LRRC37A2: variants seen among roughly 807,000 people sequenced by gnomAD.
LRRC37A2 encodes leucine-rich repeat-containing protein 37A2.
LRRC37A2 carries 9 observed loss-of-function variants against 68.8 expected under a neutral mutation model. That is an observed-to-expected ratio of 0.13 (90% CI 0.08 to 0.23). The LOEUF (loss-of-function observed/expected upper bound fraction) is 0.23, where lower values mean the gene tolerates loss of function less well. LRRC37A2 is among the 10% of genes least tolerant of loss of function. LRRC37A2 has a pLI of 1.00. For missense variants in LRRC37A2, 168 were observed against 950.4 expected, an observed-to-expected ratio of 0.18 and a Z score of 10.82; for synonymous variants, 63 against 367.6, an observed-to-expected ratio of 0.17 and a Z score of 9.48.
chr17:47,010,312 C>G, the LRRC37A2 span, among the ~76,000 whole-genome samples: 1 of 152,310 alleles, frequency 6.6e-6, no homozygotes, highest in East Asian at 1.9e-4. Flanking sequence ...CACAAGTGTT[C>G]CTATGCATAT....
chr17:46,787,679 C>T, the LRRC37A2 span, among the ~76,000 whole-genome samples: 757 of 152,296 alleles, frequency 5.0e-3, 6 homozygotes, highest in African/African-American at 0.016. Flanking sequence ...CTCGGCCGGG[C>T]GCGGTGGCTC....
chr17:46,756,599 A>G, the LRRC37A2 span: 3 of 152,656 alleles, frequency 2.0e-5, no homozygotes, highest in African/African-American at 7.2e-5. Context: ...CCAAACAGAA[A>G]GGAGTTATTA....
chr17:46,940,605 AGC>A, the LRRC37A2 span: 1 of 1,614,136 alleles, frequency 6.2e-7, no homozygotes, highest in South Asian at 1.1e-5. Flanking sequence ...GTCTGCAGGG[AGC>A]AGCTGAGCCA....
At chr17:46,766,776 G>A in the LRRC37A2 span, among the ~76,000 whole-genome samples, 1 of 152,136 alleles carries the variant, frequency 6.6e-6, no homozygotes, top group African/African-American at 2.4e-5. Flanking sequence ...GCTCAGAGGT[G>A]CCCTGTGGAA....
the LRRC37A2 span, among the ~76,000 whole-genome samples, chr17:46,961,703 A>G: frequency 6.6e-6 from 1 of 152,240 alleles, no homozygotes; most frequent in South Asian, 2.1e-4. Context: ...TACCTAAAAT[A>G]TAACGACATA....
At chr17:46,503,585 A>G in the LRRC37A2 span, among the ~76,000 whole-genome samples, 1 of 127,210 alleles carries the variant, frequency 7.9e-6, no homozygotes, top group Admixed American at 7.9e-5. Flanking sequence ...GACATAAGAA[A>G]GAACTGGTGA....
At chr17:46,893,348 T>C in the LRRC37A2 span, among the ~76,000 whole-genome samples, 1 of 152,222 alleles carries the variant, frequency 6.6e-6, no homozygotes, top group African/African-American at 2.4e-5. Context: ...CACTGTAGTT[T>C]CAGCTTGGGG....
At chr17:46,884,738 A>G in the LRRC37A2 span, among the ~76,000 whole-genome samples, 1 of 152,166 alleles carries the variant, frequency 6.6e-6, no homozygotes, top group South Asian at 2.1e-4. Context: ...CAGAGGGGTT[A>G]GACCACTTGC....
the LRRC37A2 span, chr17:46,931,086 CT>C: frequency 5.1e-6 from 7 of 1,359,376 alleles, no homozygotes; most frequent in African/African-American, 1.4e-5. Flanking sequence ...ATTCTTTTTT[CT>C]TTTTTGTACA....
chr17:47,018,677 G>A, the LRRC37A2 span: 34 of 1,520,228 alleles, frequency 2.2e-5, no homozygotes, highest in East Asian at 7.4e-4. Flanking sequence ...CTCCAACCCA[G>A]CAGGAGGCTG....
chr17:46,925,494 TG>T, the LRRC37A2 span, among the ~76,000 whole-genome samples: 4 of 152,368 alleles, frequency 2.6e-5, no homozygotes, highest in East Asian at 5.8e-4. Context: ...GTGGGAGTTC[TG>T]GTTCTAGACC....
the LRRC37A2 span, among the ~76,000 whole-genome samples, chr17:46,845,084 G>A: frequency 6.6e-6 from 1 of 152,180 alleles, no homozygotes; most frequent in African/African-American, 2.4e-5. Context: ...CCTGACCTCA[G>A]GTGATCCACT....
chr17:46,779,337 GC>G, the LRRC37A2 span, among the ~76,000 whole-genome samples: 1 of 152,204 alleles, frequency 6.6e-6, no homozygotes. Context: ...ATAGAGACCT[GC>G]CTGGCACTGA....
At chr17:46,769,774 C>T in the LRRC37A2 span, 448 of 1,609,442 alleles carry the variant, frequency 2.8e-4, 3 homozygotes, top group Middle Eastern at 3.3e-3. Context: ...GGAGGGTAGC[C>T]GGGCTCACCG....
chr17:46,816,475 G>GCACGCACACACA, the LRRC37A2 span, among the ~76,000 whole-genome samples: 21 of 144,364 alleles, frequency 1.5e-4, no homozygotes, highest in African/African-American at 5.1e-4. Context: ...CAGAACACAC[G>GCACGCACACACA]CACACACACA....
chr17:46,745,513 TA>T, the LRRC37A2 span, among the ~76,000 whole-genome samples: 4 of 152,210 alleles, frequency 2.6e-5, no homozygotes, highest in African/African-American at 9.6e-5. Flanking sequence ...TAGTCACTGT[TA>T]ATGTAAGAGA....
chr17:46,938,264 T>A, the LRRC37A2 span, among the ~76,000 whole-genome samples: 1 of 152,358 alleles, frequency 6.6e-6, no homozygotes, highest in Non-Finnish European at 1.5e-5. Context: ...AATTAATTTT[T>A]ATGTATAATG....
chr17:46,723,337 C>CA, the LRRC37A2 span, among the ~76,000 whole-genome samples: 1 of 152,158 alleles, frequency 6.6e-6, no homozygotes, highest in African/African-American at 2.4e-5. Context: ...AAAAGCAAAG[C>CA]ATTATTTTCA....
chr17:47,035,030 C>T, the LRRC37A2 span: 2 of 152,090 alleles, frequency 1.3e-5, no homozygotes, highest in African/African-American at 2.4e-5. Context: ...CTCCCAGCCT[C>T]GCCACTGACT....
Sources: gnomAD v4.1 joint callset for allele counts (sites outside exome capture counted in the v4.1 genomes callset) on GRCh38, gnomAD v4.1.1 for gene constraint, MANE v1.5 for transcripts, NCBI Gene and HGNC (gene_info 2026-07-23, HGNC 2026-07-21) for gene names.